GOLIM4: variants seen among roughly 807,000 people sequenced by gnomAD.
GOLIM4 encodes the protein 130 kDa golgi-localized phosphoprotein.
In GOLIM4, 71 loss-of-function variants were observed where a neutral mutation model predicts 107.4. That is an observed-to-expected ratio of 0.66 (90% CI 0.55 to 0.81). GOLIM4 has a LOEUF of 0.81. Among genes scored for constraint, GOLIM4 ranks in the 30% least tolerant of loss-of-function variants. The pLI is 0.00. For missense variants in GOLIM4, 830 were observed against 826.1 expected (o/e 1.00, Z -0.06); for synonymous variants, 327 against 294.8 (o/e 1.11, Z -1.12).
intron 1 of GOLIM4, among the ~76,000 whole-genome samples, chr3:168,088,033 A>C (rs1271138296): frequency 1.3e-5 from 2 of 152,220 alleles, no homozygotes; most frequent in Admixed American, 1.3e-4. Flanking sequence ...TATAACTTTC[A>C]CTTCAAAATA....
At chr3:168,010,958 A>C (rs1716977384) in intron 14 of GOLIM4, 135 bp from the exon 15 acceptor site, 1 of 678,732 alleles carries the variant, frequency 1.5e-6, no homozygotes, top group Admixed American at 2.5e-5. Flanking sequence ...AAAATAGCAG[A>C]AGCAAAATTA....
chr3:168,037,036 GC>G, intron 7 of GOLIM4, 42 bp from the exon 8 acceptor site: 1 of 1,469,268 alleles, frequency 6.8e-7, no homozygotes, highest in South Asian at 1.2e-5. Flanking sequence ...ATCTATGAAT[GC>G]CCATTCATAG....
rs1172514516 is a variant in GOLIM4 at position 168,009,312 on chromosome 3, C to T, written c.*957G>A. 2 of 150,458 alleles carry T rather than the reference C, an allele frequency of 1.3e-5. No individual in the cohort carries two copies. The highest frequency in any genetic ancestry group is 4.9e-5 in the African/African-American group (2 of 40,812). The allele number at this position is 150,458 out of a possible 1,614,324, so 9.3% of individuals were successfully genotyped here. On this transcript the variant is annotated 3_prime_UTR_variant, in exon 16 of 16. Coordinates refer to ENST00000470487, the MANE Select transcript of GOLIM4 (RefSeq NM_014498.5). ...TCCTATTTGCAGTTTGGTATGTCTT[C>T]ATATTTATACTTATTATCAAAGTGA...
chr3:168,084,234 TCATTGTAAGTTTC>T (rs756951240), intron 1 of GOLIM4, among the ~76,000 whole-genome samples: 3 of 152,184 alleles, frequency 2.0e-5, no homozygotes, highest in Non-Finnish European at 4.4e-5. Flanking sequence ...CCCTCTGCCA[TCATTGTAAGTTTC>T]CTGAGGCCTC....
At chr3:168,018,407 C>G (rs190214272) in intron 14 of GOLIM4, among the ~76,000 whole-genome samples, 77 of 152,262 alleles carry the variant, frequency 5.1e-4, no homozygotes, top group African/African-American at 1.8e-3. Flanking sequence ...TCAAAGATAC[C>G]CTGGGCAGAG....
intron 9 of GOLIM4, 110 bp downstream of exon 9, chr3:168,032,410 G>C (rs1718379749): frequency 1.3e-6 from 1 of 795,132 alleles, no homozygotes; most frequent in Non-Finnish European, 2.1e-6. Context: ...ATGTTTAGTA[G>C]AATCACTCAC....
At chr3:168,043,178 C>T (rs180688488) in intron 5 of GOLIM4, among the ~76,000 whole-genome samples, 4 of 152,224 alleles carry the variant, frequency 2.6e-5, no homozygotes, top group African/African-American at 7.2e-5. Flanking sequence ...ACAGAACACA[C>T]GACATATTCT....
At chr3:168,048,141 T>C in intron 2 of GOLIM4, 150 bp downstream of exon 2, 3 of 647,272 alleles carry the variant, frequency 4.6e-6, no homozygotes, top group South Asian at 1.7e-5. Flanking sequence ...ATGCATAATA[T>C]ATTACTTGAC....
At chr3:168,076,663 C>T (rs141108083) in intron 1 of GOLIM4, among the ~76,000 whole-genome samples, 1 of 152,146 alleles carries the variant, frequency 6.6e-6, no homozygotes, top group African/African-American at 2.4e-5. Flanking sequence ...TACACTCCAG[C>T]CTGGGCAACA....
rs190777248 is a variant in GOLIM4 at position 168,036,526 on chromosome 3, A to G, written c.843+310T>C. Among the ~76,000 whole-genome samples the G allele has an allele frequency of 1.5e-3, 234 of 152,228 alleles. 1 individual carries two copies. The highest frequency in any genetic ancestry group is 3.1e-3 in the African/African-American group (128 of 41,448). The stretch of plus-strand genomic sequence containing the variant: ...CACTGCACTCCAGCCTGGACGACGT[A>G]GCATGACACTGTCTCAGAGAAAAAA... On this transcript the variant is annotated intron_variant, in intron 8 of 15. Coordinates refer to ENST00000470487, the MANE Select transcript of GOLIM4 (RefSeq NM_014498.5).
intron 1 of GOLIM4, among the ~76,000 whole-genome samples, chr3:168,052,525 A>G (rs1305185530): frequency 2.0e-5 from 3 of 151,640 alleles, no homozygotes; most frequent in African/African-American, 7.3e-5. Context: ...TAATAATTCC[A>G]TATGTTATTT....
chr3:168,055,968 T>C (rs1010493903), intron 1 of GOLIM4, among the ~76,000 whole-genome samples: 3 of 152,238 alleles, frequency 2.0e-5, no homozygotes, highest in African/African-American at 4.8e-5. Flanking sequence ...TTTGCGTAAG[T>C]AACTAGGAGC....
chr3:168,089,800 G>C (rs550925557), intron 1 of GOLIM4, among the ~76,000 whole-genome samples: 2 of 144,344 alleles, frequency 1.4e-5, no homozygotes, highest in South Asian at 4.3e-4. Context: ...ACAGAGTCTC[G>C]CTCTGTTGCC....
chr3:168,034,729 G>A (rs897449997), intron 8 of GOLIM4, among the ~76,000 whole-genome samples: 2 of 152,152 alleles, frequency 1.3e-5, no homozygotes, highest in Admixed American at 1.3e-4. Flanking sequence ...CCCGGTTAGA[G>A]GTAACTCAAT....
intron 1 of GOLIM4, among the ~76,000 whole-genome samples, chr3:168,080,860 A>G (rs1241859063): frequency 1.3e-5 from 2 of 152,214 alleles, no homozygotes; most frequent in African/African-American, 4.8e-5. Context: ...GGGCTAAACC[A>G]AAACATACCT....
chr3:168,095,606 C>T lies in GOLIM4; in HGVS notation c.-321G>A, dbSNP rs1049826219. On this transcript the variant is annotated 5_prime_UTR_variant, in exon 1 of 16. Transcript: ENST00000470487. ...GCGCCTGTCCCCAGATGCCTCCTGC[C>T]TTTTTTCCTTCTTCCCACTTTTTGG... is the stretch of plus-strand genomic sequence containing the variant. The T allele has an allele frequency of 6.6e-6, 2 of 302,176 alleles. No homozygotes were observed. The highest frequency in any genetic ancestry group is 1.2e-5 in the Non-Finnish European group (2 of 163,836). The allele number at this position is 302,176 out of a possible 1,614,324, so 18.7% of individuals were successfully genotyped here.
intron 1 of GOLIM4, among the ~76,000 whole-genome samples, chr3:168,068,727 G>A (rs1577561171): frequency 6.6e-6 from 1 of 151,784 alleles, no homozygotes; most frequent in East Asian, 1.9e-4. Flanking sequence ...CATTGATTCT[G>A]TAAATAAAGA....
intron 14 of GOLIM4, among the ~76,000 whole-genome samples, chr3:168,022,574 A>G (rs577281317): frequency 6.6e-6 from 1 of 152,306 alleles, no homozygotes; most frequent in Admixed American, 6.5e-5. Flanking sequence ...TCAAGGGAAG[A>G]CCTGGGAACG....
chr3:168,078,396 A>C (rs1395980745), intron 1 of GOLIM4, among the ~76,000 whole-genome samples: 1 of 152,210 alleles, frequency 6.6e-6, no homozygotes, highest in African/African-American at 2.4e-5. Flanking sequence ...ATCTATAATA[A>C]AGCAAGACTA....
Sources: gnomAD v4.1 joint callset for allele counts (sites outside exome capture counted in the v4.1 genomes callset) on GRCh38, gnomAD v4.1.1 for gene constraint, MANE v1.5 for transcripts, NCBI Gene and HGNC (gene_info 2026-07-23, HGNC 2026-07-21) for gene names.